Variants in EIF2AK4 observed in about 807,000 individuals in gnomAD.
The protein encoded by EIF2AK4 is eukaryotic translation initiation factor 2 alpha kinase 4, also known as eIF-2-alpha kinase GCN2.
Under a neutral mutation model 211.1 loss-of-function variants are expected in EIF2AK4, and 139 were observed. The ratio of observed to expected loss-of-function variants is 0.66; its 90% CI spans 0.57 to 0.76. The LOEUF is 0.76. EIF2AK4 is among the 30% of genes least tolerant of loss of function. The pLI, the probability that EIF2AK4 is intolerant of heterozygous loss-of-function variation, is 0.00. For missense variants in EIF2AK4, 1,664 were observed against 2,043.8 expected, an observed-to-expected ratio of 0.81 and a Z score of 3.58; for synonymous variants, 710 against 751.3, an observed-to-expected ratio of 0.94 and a Z score of 0.90.
chr15:39,941,391 T>G (rs2034142404), intron 2 of EIF2AK4, among the ~76,000 whole-genome samples: 1 of 152,152 alleles, frequency 6.6e-6, no homozygotes, highest in South Asian at 2.1e-4. Flanking sequence ...GGGTTTGTTA[T>G]GAAAAACATA....
intron 18 of EIF2AK4, among the ~76,000 whole-genome samples, chr15:39,996,150 G>A (rs1566998389): frequency 6.6e-6 from 1 of 152,084 alleles, no homozygotes; most frequent in South Asian, 2.1e-4. Flanking sequence ...CTAACATAAT[G>A]TCCTGCAGGT....
At chr15:39,944,779 A>G (rs776892959) in intron 3 of EIF2AK4, among the ~76,000 whole-genome samples, 13 of 152,198 alleles carry the variant, frequency 8.5e-5, no homozygotes, top group South Asian at 2.1e-4. Flanking sequence ...CTCGGCTTCC[A>G]TGTCTGTTTC....
At chr15:39,974,679 T>C (rs1227490934) in intron 11 of EIF2AK4, 3 of 152,254 alleles carry the variant, frequency 2.0e-5, no homozygotes, top group African/African-American at 7.2e-5. Flanking sequence ...CTATTTTAAA[T>C]TCTTGAACGT....
At chr15:40,017,520 T>C (rs1293426784) in intron 29 of EIF2AK4, among the ~76,000 whole-genome samples, 1 of 16,206 alleles carries the variant, frequency 6.2e-5, no homozygotes, top group African/African-American at 2.6e-4. Flanking sequence ...TATATATATA[T>C]ATATATATAT....
intron 27 of EIF2AK4, among the ~76,000 whole-genome samples, chr15:40,013,210 C>T (rs1438839989): frequency 1.3e-5 from 2 of 152,050 alleles, no homozygotes; most frequent in South Asian, 2.1e-4. Context: ...TGCACTGTCA[C>T]GCAGGCTAGA....
chr15:40,029,114 A>G (rs1215570496), intron 33 of EIF2AK4, among the ~76,000 whole-genome samples: 1 of 152,226 alleles, frequency 6.6e-6, no homozygotes, highest in Non-Finnish European at 1.5e-5. Context: ...ATTATATTTC[A>G]TTGAAATCAG....
At chr15:40,030,506 G>A in intron 35 of EIF2AK4, 50 bp downstream of exon 35, 1 of 1,489,206 alleles carries the variant, frequency 6.7e-7, no homozygotes, top group South Asian at 1.2e-5. Flanking sequence ...TTACAGAAGA[G>A]AAAAACAACA....
chr15:39,971,048 T>C (rs1029402413), intron 9 of EIF2AK4, among the ~76,000 whole-genome samples: 2 of 152,224 alleles, frequency 1.3e-5, no homozygotes, highest in African/African-American at 4.8e-5. Flanking sequence ...TATATTGTTT[T>C]AATTATAGGT....
chr15:40,034,786 T>C (rs1028805098), intron 38 of EIF2AK4, among the ~76,000 whole-genome samples: 1 of 152,228 alleles, frequency 6.6e-6, no homozygotes, highest in African/African-American at 2.4e-5. Flanking sequence ...ATTCATGTTA[T>C]CATACACTTA....
At chr15:40,029,383 T>C in intron 33 of EIF2AK4, 23 bp from the exon 34 acceptor site, 2 of 1,611,788 alleles carry the variant, frequency 1.2e-6, no homozygotes, top group Non-Finnish European at 1.7e-6. Flanking sequence ...GTTCTTTAAT[T>C]GTTTTTGTTT....
intron 27 of EIF2AK4, among the ~76,000 whole-genome samples, chr15:40,015,163 A>C (rs1183572094): frequency 6.6e-6 from 1 of 152,138 alleles, no homozygotes; most frequent in East Asian, 1.9e-4. Flanking sequence ...TGAGCCCTCC[A>C]AACTGTTCCA....
At chr15:39,958,152 T>G (rs966625440) in intron 6 of EIF2AK4, among the ~76,000 whole-genome samples, 4 of 152,232 alleles carry the variant, frequency 2.6e-5, no homozygotes, top group Admixed American at 1.3e-4. Flanking sequence ...AGTGCAGACA[T>G]AGTCCCCCCA....
chr15:39,967,896 TTCTC>T lies in EIF2AK4; in HGVS notation c.1553+21_1553+24del, dbSNP rs1366822255. ...TCTAAAGAAGTGAGTATCACTGAGA[TTCTC>T]TCTAATAGCACTTTACTCCTGTACT... On this transcript the variant is annotated intron_variant, in intron 9 of 38. Coordinates refer to ENST00000263791, the MANE Select transcript of EIF2AK4 (RefSeq NM_001013703.4). 3.1e-6 allele frequency: 5 copies of T among 1,611,340 alleles called. No homozygotes were observed. The highest frequency in any genetic ancestry group is 2.2e-5 in the East Asian group (1 of 44,854).
intron 7 of EIF2AK4, among the ~76,000 whole-genome samples, chr15:39,963,176 G>A (rs2034496256): frequency 1.3e-5 from 2 of 152,190 alleles, no homozygotes; most frequent in South Asian, 4.1e-4. Flanking sequence ...AGACAGAGCT[G>A]CCATATTTAG....
At chr15:39,988,836 A>G (rs1471866903) in intron 15 of EIF2AK4, among the ~76,000 whole-genome samples, 1 of 152,144 alleles carries the variant, frequency 6.6e-6, no homozygotes, top group African/African-American at 2.4e-5. Context: ...CCCCATCTCT[A>G]CTAAAAATAC....
intron 29 of EIF2AK4, 52 bp from the exon 30 acceptor site, chr15:40,019,041 A>T: frequency 7.5e-7 from 1 of 1,336,068 alleles, no homozygotes; most frequent in Non-Finnish European, 1.0e-6. Flanking sequence ...TTTCCCCGTA[A>T]TCACAGTTTC....
chr15:39,937,862 C>T (rs1464213505), intron 1 of EIF2AK4, among the ~76,000 whole-genome samples: 1 of 152,186 alleles, frequency 6.6e-6, no homozygotes. Context: ...AAATGCCATT[C>T]CTACAAGCCC....
intron 30 of EIF2AK4, among the ~76,000 whole-genome samples, chr15:40,020,204 G>A (rs1235983486): frequency 2.0e-5 from 3 of 151,298 alleles, no homozygotes; most frequent in Non-Finnish European, 4.4e-5. Context: ...AAGAAATCCT[G>A]CTGTGGTCTA....
At position 40,035,276 on chromosome 15, in the gene EIF2AK4, C is replaced by T; in HGVS notation, c.*192C>T. On this transcript the variant is annotated 3_prime_UTR_variant, in exon 39 of 39. Transcript: ENST00000263791. ...CTTGAAACCAGGAGTTTGAGACCAG[C>T]CTGAGCAACAAAGCAAGACCCCATC... 2.6e-6 allele frequency: 1 copy of T among 383,950 alleles called. No homozygotes were observed. 23.8% of individuals were successfully genotyped at this position (383,950 alleles called of 1,614,324 possible). A position where few individuals can be genotyped will look rare whatever the true frequency, so the allele number is the denominator to read the frequency against.
Sources: gnomAD v4.1 joint callset for allele counts (sites outside exome capture counted in the v4.1 genomes callset) on GRCh38, gnomAD v4.1.1 for gene constraint, MANE v1.5 for transcripts, NCBI Gene and HGNC (gene_info 2026-07-23, HGNC 2026-07-21) for gene names.